Variants in ZMYM2 observed in about 807,000 individuals in gnomAD.
ZMYM2 encodes zinc finger MYM-type containing 2.
Under a neutral mutation model 162.8 loss-of-function variants are expected in ZMYM2, and 56 were observed. That is an observed-to-expected ratio of 0.34 (90% CI 0.28 to 0.43). The LOEUF (loss-of-function observed/expected upper bound fraction) is 0.43, where lower values mean the gene tolerates loss of function less well. Among genes scored for constraint, ZMYM2 ranks in the 20% least tolerant of loss-of-function variants. The probability of loss-of-function intolerance (pLI) is 1.00; values close to 1 mark genes in which losing one functional copy is unlikely to be tolerated. For missense variants in ZMYM2, 1,275 were observed against 1,621.8 expected (o/e 0.79, Z 3.67); for synonymous variants, 510 against 541.6 (o/e 0.94, Z 0.81).
intron 2 of ZMYM2, among the ~76,000 whole-genome samples, chr13:19,991,067 CGTATGTATTTTCTGTG>C (rs1949569390): frequency 7.4e-6 from 1 of 134,692 alleles, no homozygotes; most frequent in Non-Finnish European, 1.6e-5. Flanking sequence ...TGTGTGTGTA[CGTATGTATTTTCTGTG>C]TGTGTGTGTG....
chr13:20,061,362 T>TAA, intron 17 of ZMYM2, 138 bp downstream of exon 17: 1 of 867,924 alleles, frequency 1.2e-6, no homozygotes. Context: ...AAAAATGTTT[T>TAA]TTATATTAAG....
the ZMYM2 span, among the ~76,000 whole-genome samples, chr13:19,939,152 T>C: frequency 1.3e-5 from 2 of 151,124 alleles, no homozygotes; most frequent in South Asian, 2.1e-4. Context: ...GGCTCCCGAG[T>C]AACTGGGATT....
chr13:19,977,981 A>G (rs986634322), intron 2 of ZMYM2, among the ~76,000 whole-genome samples: 3 of 148,974 alleles, frequency 2.0e-5, no homozygotes, highest in African/African-American at 7.5e-5. Flanking sequence ...GGTTCATGCC[A>G]TTATCCTGCC....
the ZMYM2 span, among the ~76,000 whole-genome samples, chr13:19,884,394 T>C: frequency 1.3e-5 from 2 of 151,850 alleles, no homozygotes; most frequent in Admixed American, 6.6e-5. Flanking sequence ...GCTAACACAG[T>C]ATAACCCCCA....
the ZMYM2 span, among the ~76,000 whole-genome samples, chr13:19,939,837 C>G: frequency 2.0e-5 from 3 of 152,080 alleles, no homozygotes; most frequent in African/African-American, 7.2e-5. Flanking sequence ...ATTTTATTCT[C>G]ATTACAGTCC....
chr13:19,962,921 A>G lies in ZMYM2; in HGVS notation c.-11+2895A>G, dbSNP rs921745579. ...ACTGCAGCCTCCGCCTCCAGGGTTC[A>G]AGCATTCTCCTGCCTCAGCTTCCCA... On this transcript the variant is annotated intron_variant, in intron 2 of 24. Transcript: ENST00000610343. 3.3e-5 allele frequency among the ~76,000 whole-genome samples: 5 copies of G among 149,682 alleles called. 1 individual carries two copies. In the East Asian group the frequency reaches 9.8e-4, roughly 29 times the overall value.
intron 2 of ZMYM2, among the ~76,000 whole-genome samples, chr13:19,988,506 A>G (rs1949355722): frequency 6.6e-6 from 1 of 152,196 alleles, no homozygotes; most frequent in South Asian, 2.1e-4. Context: ...ACGGCCGGGC[A>G]TGGTGGCTCA....
chr13:19,981,363 G>A (rs533279556), intron 2 of ZMYM2, among the ~76,000 whole-genome samples: 1 of 152,204 alleles, frequency 6.6e-6, no homozygotes, highest in African/African-American at 2.4e-5. Context: ...ATTAATTGCA[G>A]TGATTTTTAT....
the ZMYM2 span, among the ~76,000 whole-genome samples, chr13:19,951,406 C>G: frequency 6.6e-6 from 1 of 151,516 alleles, no homozygotes; most frequent in Non-Finnish European, 1.5e-5. Context: ...AATAGGCAAA[C>G]GGGCCAGATG....
chr13:19,947,833 A>G, the ZMYM2 span, among the ~76,000 whole-genome samples: 3 of 152,046 alleles, frequency 2.0e-5, no homozygotes, highest in Admixed American at 1.3e-4. Context: ...CCTATCCTAC[A>G]ACAGCAAAAT....
the ZMYM2 span, among the ~76,000 whole-genome samples, chr13:19,870,952 A>G: frequency 6.6e-6 from 1 of 152,122 alleles, no homozygotes; most frequent in Non-Finnish European, 1.5e-5. Flanking sequence ...TATTGAAGTC[A>G]TTAGAAGCAA....
the ZMYM2 span, among the ~76,000 whole-genome samples, chr13:19,903,858 T>A: frequency 1.3e-5 from 2 of 151,496 alleles, no homozygotes; most frequent in South Asian, 2.1e-4. Flanking sequence ...AAAAAAAAAA[T>A]TAAGAAAATT....
intron 21 of ZMYM2, among the ~76,000 whole-genome samples, chr13:20,068,555 A>G (rs1038275536): frequency 7.2e-5 from 11 of 152,106 alleles, no homozygotes; most frequent in Non-Finnish European, 1.3e-4. Flanking sequence ...ATGAATTCCA[A>G]AACATGTGAC....
chr13:19,887,023 T>C, the ZMYM2 span, among the ~76,000 whole-genome samples: 15,455 of 151,802 alleles, frequency 0.1, 1,002 homozygotes, highest in Middle Eastern at 0.14. Context: ...AACATTTTCC[T>C]CTGTCCTCTG....
rs935034818 is a variant in ZMYM2, at chr13:20,088,335, G to T, written c.*2321G>T. The T allele has an allele frequency of 9.7e-6, 2 of 206,328 alleles. No homozygotes were observed. The highest frequency in any genetic ancestry group is 4.6e-5 in the African/African-American group (2 of 43,874). The allele number at this position is 206,328 out of a possible 1,614,324, so 12.8% of individuals were successfully genotyped here. On this transcript the variant is annotated 3_prime_UTR_variant, in exon 25 of 25. Coordinates refer to ENST00000610343, the MANE Select transcript of ZMYM2 (RefSeq NM_197968.4). ...TGGTCATAGTTGACTGCTGAGAAAA[G>T]GACAATGAAATGATAGCAATTTCCT... is the stretch of plus-strand genomic sequence containing the variant.
At chr13:19,988,272 T>C (rs1182293083) in intron 2 of ZMYM2, among the ~76,000 whole-genome samples, 1 of 152,226 alleles carries the variant, frequency 6.6e-6, no homozygotes, top group Non-Finnish European at 1.5e-5. Context: ...CTTCTGACAC[T>C]AGAACTTGGT....
chr13:20,011,506 C>T (rs1056659748), intron 6 of ZMYM2, among the ~76,000 whole-genome samples: 2 of 151,486 alleles, frequency 1.3e-5, no homozygotes, highest in Non-Finnish European at 1.5e-5. Context: ...TACTGTCTTC[C>T]ATTATGTACG....
intron 3 of ZMYM2, among the ~76,000 whole-genome samples, chr13:19,999,553 TATTTAA>T (rs1373925301): frequency 6.6e-6 from 1 of 152,204 alleles, no homozygotes; most frequent in Non-Finnish European, 1.5e-5. Flanking sequence ...GACACAGCAA[TATTTAA>T]ATTAGGTCAG....
At chr13:19,971,570 G>A (rs1209805796) in intron 2 of ZMYM2, among the ~76,000 whole-genome samples, 2 of 151,742 alleles carry the variant, frequency 1.3e-5, no homozygotes, top group Non-Finnish European at 2.9e-5. Context: ...ATGCCCAGCC[G>A]ATTCATTTTT....
Sources: gnomAD v4.1 joint callset for allele counts (sites outside exome capture counted in the v4.1 genomes callset) on GRCh38, gnomAD v4.1.1 for gene constraint, MANE v1.5 for transcripts, NCBI Gene and HGNC (gene_info 2026-07-23, HGNC 2026-07-21) for gene names.